Variants in DAB2IP observed in about 807,000 individuals in gnomAD.
The protein encoded by DAB2IP is DAB2 interacting protein, also known as disabled homolog 2-interacting protein.
In DAB2IP, 28 loss-of-function variants were observed where a neutral mutation model predicts 107.2. That is an observed-to-expected ratio of 0.26 (90% confidence interval 0.19 to 0.36). The LOEUF (loss-of-function observed/expected upper bound fraction) is 0.36. DAB2IP is among the 10% of genes least tolerant of loss of function. The pLI is 1.00. For synonymous variants in DAB2IP, 755 were observed against 706.4 expected (o/e 1.07, Z -1.09); for missense variants, 1,400 against 1,644.7 (o/e 0.85, Z 2.57).
At chr9:121,626,038 C>T (rs1398213947) in intron 1 of DAB2IP, among the ~76,000 whole-genome samples, 3 of 152,062 alleles carry the variant, frequency 2.0e-5, no homozygotes, top group Non-Finnish European at 2.9e-5. Flanking sequence ...CTGGGGCACA[C>T]GTGGGGTATG....
intron 1 of DAB2IP, among the ~76,000 whole-genome samples, chr9:121,586,405 G>A (rs1830314337): frequency 6.6e-6 from 1 of 152,182 alleles, no homozygotes; most frequent in Non-Finnish European, 1.5e-5. Context: ...TGTGGTCTAG[G>A]ATTGGGAGGG....
chr9:121,628,211 T>A (rs1831739714), intron 1 of DAB2IP, among the ~76,000 whole-genome samples: 1 of 152,252 alleles, frequency 6.6e-6, no homozygotes. Context: ...GTGGAGATGC[T>A]GGCTCAGGGC....
rs367545361 is a variant in DAB2IP at position 121,737,034 on chromosome 9, A to G, written c.363-19979A>G. Among the ~76,000 whole-genome samples the G allele has an allele frequency of 3.1e-3, 474 of 152,298 alleles. 1 individual carries two copies. Among genetic ancestry groups the G allele is most frequent in the Non-Finnish European group, 5.6e-3 (379 of 68,022 alleles). ...GGACTTTGGGTCTGAGACCGGAATGAGGAGGAACCAGCCTTGCCCACGGAA... is the reference window on the plus strand; with the variant it reads ...GGACTTTGGGTCTGAGACCGGAATGGGGAGGAACCAGCCTTGCCCACGGAA... On this transcript the variant is annotated intron_variant, in intron 3 of 15. Transcript: ENST00000408936.
chr9:121,774,385 T>G lies in DAB2IP; in HGVS notation c.3093T>G (p.Ser1031Arg), dbSNP rs564612204. ...CCCCCCACAGGGATAGGCTAAGGAG[T>G]AAGGACGAGCTCAGCCAAGCAGAAA... is the stretch of plus-strand genomic sequence containing the variant. The change falls in exon 13 of 16, where the codon AGT becomes AGG. Residue 1031 changes from serine to arginine, a missense_variant. Ser to Arg is a moderately radical substitution (Grantham distance 110). Coordinates refer to ENST00000408936, the Ensembl canonical transcript of DAB2IP. 4.3e-6 allele frequency: 7 copies of G among 1,609,246 alleles called. 1 individual carries two copies. In the South Asian group the frequency reaches 4.4e-5, roughly 10 times the overall value.
intron 3 of DAB2IP, among the ~76,000 whole-genome samples, chr9:121,708,611 A>G (rs1830174839): frequency 6.6e-6 from 1 of 152,212 alleles, no homozygotes. Flanking sequence ...CTCCAGGTCC[A>G]GTGCTCAGCC....
intron 1 of DAB2IP, 104 bp downstream of exon 1, chr9:121,652,003 C>T (rs1832762778): frequency 4.7e-6 from 5 of 1,057,180 alleles, no homozygotes; most frequent in Admixed American, 4.3e-5. Flanking sequence ...AGCCATTTGC[C>T]GGGGGTTTCC....
At chr9:121,679,602 G>T (rs189354642) in intron 2 of DAB2IP, among the ~76,000 whole-genome samples, 91 of 152,140 alleles carry the variant, frequency 6.0e-4, no homozygotes, top group Admixed American at 9.8e-4. Context: ...GTGGATGTTG[G>T]ATGGTTTGTT....
chr9:121,571,514 TA>T (rs777260562), intron 1 of DAB2IP, among the ~76,000 whole-genome samples: 2 of 151,556 alleles, frequency 1.3e-5, no homozygotes. Flanking sequence ...TGAGCTCCTT[TA>T]GGGGGCTCAG....
intron 3 of DAB2IP, chr9:121,737,181 G>A (rs1163678756): frequency 1.0e-6 from 1 of 985,384 alleles, no homozygotes; most frequent in Non-Finnish European, 1.2e-6. Context: ...AGACCTCTGT[G>A]CTCTGGCCTG....
intron 1 of DAB2IP, among the ~76,000 whole-genome samples, chr9:121,582,445 C>A (rs1044972227): frequency 2.6e-5 from 4 of 152,086 alleles, no homozygotes; most frequent in Non-Finnish European, 4.4e-5. Context: ...AGGGAAGCCC[C>A]ATTTTCACTG....
rs1232952817 is a variant in DAB2IP at position 121,651,909 on chromosome 9, A to T, written c.124+10A>T. Reference sequence around the variant, plus strand: ...ACCCGGCCTGCCAGGGGTAGGCGCCACCCCGACCCCTGACCCCTAGACCCT... The same window carrying T: ...ACCCGGCCTGCCAGGGGTAGGCGCCTCCCCGACCCCTGACCCCTAGACCCT... On this transcript the variant is annotated intron_variant, in intron 1 of 15. Coordinates refer to ENST00000408936, the Ensembl canonical transcript of DAB2IP. This position sits in a 1 kb window ranked among gnomAD's most constrained non-coding sequence, Gnocchi z 5.1. 16 of 1,378,572 alleles carry T rather than the reference A, an allele frequency of 1.2e-5. No homozygotes were observed. The highest frequency in any genetic ancestry group is 1.5e-5 in the Non-Finnish European group (16 of 1,058,632). The allele number at this position is 1,378,572 out of a possible 1,614,324, so 85.4% of individuals were successfully genotyped here.
intron 1 of DAB2IP, among the ~76,000 whole-genome samples, chr9:121,583,789 G>T (rs954741800): frequency 6.6e-6 from 1 of 152,198 alleles, no homozygotes; most frequent in Admixed American, 6.5e-5. Flanking sequence ...TGGTTTTCCC[G>T]TTGTGTCCAA....
At chr9:121,756,562 G>A (rs1357724450) in intron 3 of DAB2IP, among the ~76,000 whole-genome samples, 2 of 152,218 alleles carry the variant, frequency 1.3e-5, no homozygotes, top group Non-Finnish European at 2.9e-5. Context: ...TGTTGGCAGT[G>A]GTATGCTGGA....
intron 1 of DAB2IP, among the ~76,000 whole-genome samples, chr9:121,642,034 T>TC (rs1564128921): frequency 4.9e-4 from 11 of 22,276 alleles, no homozygotes; most frequent in African/African-American, 1.4e-3. Context: ...TCTCTCTCTT[T>TC]CTTTCTTTCT....
chr9:121,659,620 C>A (rs1176291055), intron 1 of DAB2IP, among the ~76,000 whole-genome samples: 2 of 151,928 alleles, frequency 1.3e-5, no homozygotes, highest in East Asian at 3.9e-4. Flanking sequence ...GGTGAAACCC[C>A]GTCTCTACTA....
chr9:121,698,844 G>C lies in DAB2IP; in HGVS notation c.229-481G>C, dbSNP rs923751149. ...GCGCTTTGTCAATCCCCGACGGGGT[G>C]GGGGGGCGTGGATTCCTCCAGGTGG... On this transcript the variant is annotated intron_variant, in intron 2 of 15. Coordinates refer to ENST00000408936, the Ensembl canonical transcript of DAB2IP. The surrounding 1 kb of genome is among the most constrained non-coding windows in gnomAD (Gnocchi z 4.1). 3.9e-5 allele frequency among the ~76,000 whole-genome samples: 6 copies of C among 152,080 alleles called. No individual in the cohort carries two copies. The highest frequency in any genetic ancestry group is 3.3e-4 in the Admixed American group (5 of 15,286).
intron 2 of DAB2IP, among the ~76,000 whole-genome samples, chr9:121,688,156 G>T (rs1828981257): frequency 6.6e-6 from 1 of 152,122 alleles, no homozygotes; most frequent in East Asian, 1.9e-4. Flanking sequence ...CAGGGGCAAG[G>T]CTCAGACGCC....
intron 1 of DAB2IP, among the ~76,000 whole-genome samples, chr9:121,618,251 C>A (rs574666915): frequency 6.6e-6 from 1 of 152,286 alleles, no homozygotes; most frequent in Admixed American, 6.5e-5. Context: ...AAAGGGGAGT[C>A]CCCAAGGGAA....
intron 1 of DAB2IP, among the ~76,000 whole-genome samples, chr9:121,602,766 A>G (rs1056869556): frequency 5.3e-5 from 8 of 152,060 alleles, no homozygotes; most frequent in East Asian, 1.9e-4. Flanking sequence ...TAGTGGAGAC[A>G]GGGTTTCACT....
Sources: gnomAD v4.1 joint callset for allele counts (sites outside exome capture counted in the v4.1 genomes callset) on GRCh38, gnomAD v4.1.1 for gene constraint, Gnocchi (gnomAD v3.1) non-coding constraint, MANE v1.5 for transcripts, NCBI Gene and HGNC (gene_info 2026-07-23, HGNC 2026-07-21) for gene names.